TRAK1: variants seen among roughly 807,000 people sequenced by gnomAD.
TRAK1 encodes the protein trafficking kinesin protein 1.
TRAK1 carries 33 observed loss-of-function variants against 92.1 expected under a neutral mutation model. That is an observed-to-expected ratio of 0.36 (90% confidence interval 0.27 to 0.48). The LOEUF is 0.48. TRAK1 is among the 20% of genes least tolerant of loss of function. The pLI, the probability that TRAK1 is intolerant of heterozygous loss-of-function variation, is 0.99. For synonymous variants in TRAK1, 521 were observed against 517.3 expected, an observed-to-expected ratio of 1.01 and a Z score of -0.10; for missense variants, 1,123 against 1,257.9, an observed-to-expected ratio of 0.89 and a Z score of 1.62.
chr3:42,070,391 A>T (rs1703885108), intron 1 of TRAK1, among the ~76,000 whole-genome samples: 1 of 150,810 alleles, frequency 6.6e-6, no homozygotes, highest in Non-Finnish European at 1.5e-5. Context: ...CACTAGTGAC[A>T]TTTTTTTTCC....
chr3:42,213,853 T>C lies in TRAK1; in HGVS notation c.1963+3868T>C, dbSNP rs576193341. Among the ~76,000 whole-genome samples, 8 of 152,296 alleles carry C rather than the reference T, an allele frequency of 5.3e-5. No individual in the cohort carries two copies. The South Asian group carries it at 1.5e-3, about 28-fold the overall frequency. The stretch of plus-strand genomic sequence containing the variant: ...TCCCATGCTGTTGGGAACACTTCGA[T>C]TCAGCCTGGTTTTATGGCAGTTATG... On this transcript the variant is annotated intron_variant, in intron 14 of 15. Transcript: ENST00000327628.
At chr3:42,074,499 G>C (rs1371840497) in intron 1 of TRAK1, among the ~76,000 whole-genome samples, 1 of 152,166 alleles carries the variant, frequency 6.6e-6, no homozygotes, top group Non-Finnish European at 1.5e-5. Flanking sequence ...TGAGCGAGCT[G>C]GCCACAGATG....
chr3:42,088,534 G>A (rs754947485), upstream of TRAK1, among the ~76,000 whole-genome samples: 8 of 152,198 alleles, frequency 5.3e-5, no homozygotes, highest in Non-Finnish European at 1.0e-4. Flanking sequence ...CTCCCTCTTC[G>A]GAAATAGAAT....
rs1027240121 is a variant in TRAK1 at position 42,222,146 on chromosome 3, A to G, written c.2067-796A>G. On this transcript the variant is annotated intron_variant, in intron 15 of 15. Coordinates refer to ENST00000327628, the MANE Select transcript of TRAK1 (RefSeq NM_001042646.3). ...ACCTAGCAAGTCCCTAGTGAGCACA[A>G]CACGAGTGAATGAACAAATCTTTCT... Among the ~76,000 whole-genome samples, 14 of 152,320 alleles carry G rather than the reference A, an allele frequency of 9.2e-5. No homozygotes were observed. The South Asian group carries it at 2.9e-3, about 32-fold the overall frequency.
At chr3:42,093,590 A>C (rs2148977509) in intron 1 of TRAK1, among the ~76,000 whole-genome samples, 1 of 146,504 alleles carries the variant, frequency 6.8e-6, no homozygotes, top group South Asian at 2.2e-4. Context: ...CACTTGAAAC[A>C]AATTTTTTTC....
intron 1 of TRAK1, among the ~76,000 whole-genome samples, chr3:42,116,428 TAGAG>T (rs779522386): frequency 9.9e-5 from 15 of 152,262 alleles, no homozygotes; most frequent in South Asian, 6.2e-4. Flanking sequence ...AGTCCCTTGA[TAGAG>T]AGGAATTTTC....
chr3:42,218,472 C>T (rs1022394954), intron 14 of TRAK1: 1 of 984,704 alleles, frequency 1.0e-6, no homozygotes, highest in Non-Finnish European at 1.2e-6. Flanking sequence ...GGAGAATCAT[C>T]CCGGCACTTC....
chr3:42,069,390 G>A (rs990236649), intron 1 of TRAK1, among the ~76,000 whole-genome samples: 14 of 152,006 alleles, frequency 9.2e-5, no homozygotes, highest in African/African-American at 2.9e-4. Flanking sequence ...TCACTTAGCT[G>A]TCAACAGGGG....
At chr3:42,157,128 GGA>G (rs1700624825) in intron 2 of TRAK1, among the ~76,000 whole-genome samples, 1 of 151,504 alleles carries the variant, frequency 6.6e-6, no homozygotes, top group African/African-American at 2.4e-5. Context: ...CTCCAGCCTG[GGA>G]GAGAGAGTGA....
chr3:42,108,517 T>C (rs958476691), intron 1 of TRAK1, among the ~76,000 whole-genome samples: 35 of 143,308 alleles, frequency 2.4e-4, no homozygotes, highest in African/African-American at 8.8e-4. Flanking sequence ...AAAAAAAAGA[T>C]TCAAACATTC....
intron 13 of TRAK1, among the ~76,000 whole-genome samples, chr3:42,209,285 G>A (rs958491545): frequency 1.3e-5 from 2 of 152,014 alleles, no homozygotes; most frequent in African/African-American, 4.8e-5. Flanking sequence ...GTTGGTCGTG[G>A]GCTTGGTTTG....
In TRAK1 at chr3:42,091,532, C is replaced by T. The variant is rs764182356; in HGVS notation, c.63C>T (p.His21=). Residue 21 remains histidine (H), a synonymous_variant, in exon 1 of 16, where the codon CAC becomes CAT. Coordinates refer to ENST00000327628, the MANE Select transcript of TRAK1 (RefSeq NM_001042646.3). The stretch of plus-strand genomic sequence containing the variant: ...CTCAGCCTCTGCCAGGACTCTGCCA[C>T]GGCAAGCTCATTCGGACAAACGCCT... The part of the protein sequence containing the change: ...VRAQPLPGLC[H]GKLIRTNACD... The T allele has an allele frequency of 6.8e-6, 11 of 1,612,864 alleles. No homozygotes were observed. The highest frequency in any genetic ancestry group is 2.2e-5 in the South Asian group (2 of 90,938).
chr3:42,190,011 C>T (rs1477352244), intron 6 of TRAK1, among the ~76,000 whole-genome samples: 2 of 151,920 alleles, frequency 1.3e-5, no homozygotes, highest in Non-Finnish European at 2.9e-5. Flanking sequence ...GAACGGTGGG[C>T]CCCAGGCTGC....
intron 1 of TRAK1, among the ~76,000 whole-genome samples, chr3:42,036,660 C>T (rs895755666): frequency 6.6e-6 from 1 of 152,206 alleles, no homozygotes; most frequent in East Asian, 1.9e-4. Context: ...GGAAAATTAG[C>T]GTGTTTCTAG....
chr3:42,201,887 C>G (rs1298777779), intron 12 of TRAK1, among the ~76,000 whole-genome samples: 8 of 94,154 alleles, frequency 8.5e-5, no homozygotes, highest in South Asian at 6.9e-4. Flanking sequence ...CAGACGGACA[C>G]ACACACACAC....
At chr3:42,022,311 T>C (rs1701750375) in intron 1 of TRAK1, among the ~76,000 whole-genome samples, 1 of 152,240 alleles carries the variant, frequency 6.6e-6, no homozygotes. Context: ...AGATTGTTAT[T>C]ATTACAGCAG....
intron 1 of TRAK1, among the ~76,000 whole-genome samples, chr3:42,064,207 G>T (rs1398466898): frequency 6.6e-6 from 1 of 152,206 alleles, no homozygotes; most frequent in Non-Finnish European, 1.5e-5. Flanking sequence ...GCTCAAGCCT[G>T]TAATCCCAGC....
chr3:42,027,244 C>T (rs1701954592), intron 1 of TRAK1, among the ~76,000 whole-genome samples: 3 of 152,130 alleles, frequency 2.0e-5, no homozygotes, highest in Non-Finnish European at 4.4e-5. Context: ...AGCTTTTTGG[C>T]CGGGCGTGGT....
chr3:42,094,211 A>G (rs1231787080), intron 1 of TRAK1, among the ~76,000 whole-genome samples: 1 of 152,144 alleles, frequency 6.6e-6, no homozygotes, highest in Non-Finnish European at 1.5e-5. Flanking sequence ...GGGTGCACCA[A>G]TGCCAGGCTC....
Sources: gnomAD v4.1 joint callset for allele counts (sites outside exome capture counted in the v4.1 genomes callset) on GRCh38, gnomAD v4.1.1 for gene constraint, MANE v1.5 for transcripts, NCBI Gene and HGNC (gene_info 2026-07-23, HGNC 2026-07-21) for gene names.